KCNB2: variants seen among roughly 807,000 people sequenced by gnomAD.
KCNB2 encodes delayed rectifier potassium channel protein.
KCNB2 carries 15 observed loss-of-function variants against 61.5 expected under a neutral mutation model. The ratio of observed to expected loss-of-function variants is 0.24; its 90% CI spans 0.16 to 0.38. The LOEUF (loss-of-function observed/expected upper bound fraction) is 0.38. Among genes scored for constraint, KCNB2 ranks in the 10% least tolerant of loss-of-function variants. The probability of loss-of-function intolerance (pLI) is 1.00; values close to 1 mark genes in which losing one functional copy is unlikely to be tolerated. For synonymous variants in KCNB2, 457 were observed against 446.0 expected (o/e 1.02, Z -0.31); for missense variants, 828 against 1,125.2 (o/e 0.74, Z 3.78).
intron 2 of KCNB2, among the ~76,000 whole-genome samples, chr8:72,683,911 A>C (rs1806805337): frequency 6.6e-6 from 1 of 152,188 alleles, no homozygotes; most frequent in African/African-American, 2.4e-5. Flanking sequence ...TAGGTCATGA[A>C]GGCCTTTATA....
intron 2 of KCNB2, among the ~76,000 whole-genome samples, chr8:72,920,482 T>C (rs919772249): frequency 7.5e-6 from 1 of 133,566 alleles, no homozygotes; most frequent in African/African-American, 2.7e-5. Context: ...TCTATATATA[T>C]ATATATTAGC....
intron 2 of KCNB2, among the ~76,000 whole-genome samples, chr8:72,753,183 G>T (rs979612149): frequency 6.6e-6 from 1 of 151,988 alleles, no homozygotes; most frequent in African/African-American, 2.4e-5. Flanking sequence ...TAGGAGTGGT[G>T]GTAAAAATCC....
chr8:72,764,261 T>C (rs1808429423), intron 2 of KCNB2, among the ~76,000 whole-genome samples: 1 of 152,050 alleles, frequency 6.6e-6, no homozygotes, highest in Non-Finnish European at 1.5e-5. Flanking sequence ...CTGGAGCAGA[T>C]ATGGGAGAAT....
intron 2 of KCNB2, among the ~76,000 whole-genome samples, chr8:72,861,297 C>T (rs1805403333): frequency 6.6e-6 from 1 of 152,150 alleles, no homozygotes; most frequent in Admixed American, 6.5e-5. Flanking sequence ...AACCTCAAAA[C>T]CATTATGTCA....
intron 2 of KCNB2, among the ~76,000 whole-genome samples, chr8:72,780,532 T>TG (rs997891293): frequency 6.6e-6 from 1 of 152,006 alleles, no homozygotes; most frequent in African/African-American, 2.4e-5. Flanking sequence ...CAAATTCTTA[T>TG]TTTTTTTCCT....
chr8:72,751,818 A>ATG (rs1808194680), intron 2 of KCNB2: 1 of 152,210 alleles, frequency 6.6e-6, no homozygotes, highest in Non-Finnish European at 1.5e-5. Context: ...ACATGAACAC[A>ATG]TATACACATA....
chr8:72,900,409 G>A (rs146463904), intron 2 of KCNB2, among the ~76,000 whole-genome samples: 2 of 152,198 alleles, frequency 1.3e-5, no homozygotes, highest in Admixed American at 1.3e-4. Context: ...GAAAACCCAG[G>A]AAATACCCCT....
At chr8:72,552,084 C>T (rs1395560716) in intron 1 of KCNB2, among the ~76,000 whole-genome samples, 1 of 152,080 alleles carries the variant, frequency 6.6e-6, no homozygotes, top group South Asian at 2.1e-4. Context: ...TTCTTCTTGA[C>T]AAGGACCAAG....
chr8:72,927,697 T>C (rs919047741), intron 2 of KCNB2, among the ~76,000 whole-genome samples: 2 of 152,264 alleles, frequency 1.3e-5, no homozygotes, highest in African/African-American at 4.8e-5. Context: ...TCATTCACGT[T>C]ATAGTCTCTT....
At chr8:72,609,243 T>A (rs1426469777) in intron 2 of KCNB2, among the ~76,000 whole-genome samples, 3 of 152,198 alleles carry the variant, frequency 2.0e-5, no homozygotes, top group South Asian at 4.1e-4. Flanking sequence ...CACACACACA[T>A]GCACTCTCAT....
intron 2 of KCNB2, among the ~76,000 whole-genome samples, chr8:72,647,666 A>G (rs942464267): frequency 1.3e-5 from 2 of 152,084 alleles, no homozygotes; most frequent in Non-Finnish European, 2.9e-5. Flanking sequence ...TGGGTCTTTG[A>G]AAGGGAGAAG....
At chr8:72,913,121 A>G (rs936926421) in intron 2 of KCNB2, among the ~76,000 whole-genome samples, 10 of 152,198 alleles carry the variant, frequency 6.6e-5, no homozygotes, top group African/African-American at 2.2e-4. Context: ...AAGTAAAAAG[A>G]TAAGTTATTT....
intron 2 of KCNB2, among the ~76,000 whole-genome samples, chr8:72,901,345 G>A (rs1475863886): frequency 1.3e-5 from 2 of 152,136 alleles, no homozygotes; most frequent in Non-Finnish European, 1.5e-5. Context: ...ATAAAGAGAC[G>A]AAACCCTGCC....
chr8:72,697,018 C>G (rs1196185875), intron 2 of KCNB2, among the ~76,000 whole-genome samples: 1 of 152,194 alleles, frequency 6.6e-6, no homozygotes, highest in East Asian at 1.9e-4. Context: ...GTATCGATCA[C>G]AGCAAATTAC....
intron 2 of KCNB2, among the ~76,000 whole-genome samples, chr8:72,578,306 T>C (rs1390951307): frequency 1.3e-5 from 2 of 152,218 alleles, no homozygotes; most frequent in Non-Finnish European, 2.9e-5. Flanking sequence ...TCTTACTTTC[T>C]AAAAGGTGAT....
At chr8:72,614,208 TTAGATATTGA>T (rs1473119033) in intron 2 of KCNB2, among the ~76,000 whole-genome samples, 1 of 152,224 alleles carries the variant, frequency 6.6e-6, no homozygotes, top group African/African-American at 2.4e-5. Flanking sequence ...AATAGTTTTA[TTAGATATTGA>T]TTGGATGCCA....
chr8:72,711,186 C>A (rs1217679128), intron 2 of KCNB2, among the ~76,000 whole-genome samples: 2 of 152,194 alleles, frequency 1.3e-5, no homozygotes, highest in African/African-American at 4.8e-5. Flanking sequence ...ATTGATTACT[C>A]TGGACCAGAA....
At chr8:72,847,400 C>T (rs1810014313) in intron 2 of KCNB2, among the ~76,000 whole-genome samples, 2 of 152,198 alleles carry the variant, frequency 1.3e-5, no homozygotes, top group Admixed American at 1.3e-4. Context: ...ACCTTGCAGG[C>T]TTTTCAAATC....
intron 2 of KCNB2, among the ~76,000 whole-genome samples, chr8:72,663,439 A>G (rs1806412388): frequency 6.6e-6 from 1 of 152,192 alleles, no homozygotes; most frequent in Non-Finnish European, 1.5e-5. Context: ...GGAGTTTTGC[A>G]CACTGCTTCG....
Sources: allele counts gnomAD v4.1 joint callset (sites outside exome capture counted in the v4.1 genomes callset), GRCh38; gene constraint gnomAD v4.1.1; transcripts MANE v1.5; gene names NCBI Gene and HGNC (gene_info 2026-07-23, HGNC 2026-07-21).